CDK19: variants seen among roughly 807,000 people sequenced by gnomAD.
The protein encoded by CDK19 is cyclin-dependent kinase 19.
CDK19 carries 20 observed loss-of-function variants against 68.3 expected under a neutral mutation model. The observed-to-expected ratio is 0.29, with a 90% CI of 0.21 to 0.43. The LOEUF (loss-of-function observed/expected upper bound fraction) is 0.43. Ranked by LOEUF, CDK19 falls within the 20% of genes least tolerant of loss-of-function variation. The probability of loss-of-function intolerance (pLI) is 1.00; values close to 1 mark genes in which losing one functional copy is unlikely to be tolerated. For synonymous variants in CDK19, 221 were observed against 222.8 expected (o/e 0.99, Z 0.07); for missense variants, 339 against 623.5 (o/e 0.54, Z 4.86).
chr6:110,714,398 C>T (rs1775203859), intron 2 of CDK19, among the ~76,000 whole-genome samples: 1 of 152,116 alleles, frequency 6.6e-6, no homozygotes, highest in African/African-American at 2.4e-5. Context: ...TTTGTTTCAA[C>T]ATCTGTTTTC....
chr6:110,623,896 T>TATATATATAC (rs1562130223), intron 8 of CDK19, among the ~76,000 whole-genome samples: 9 of 103,272 alleles, frequency 8.7e-5, no homozygotes, highest in East Asian at 1.3e-3. Flanking sequence ...TATATGTGTG[T>TATATATATAC]GTATATATAT....
rs546291479 is a variant in CDK19, at chr6:110,799,744, T to C, written c.128+15265A>G. Among the ~76,000 whole-genome samples, 3 of 152,240 alleles carry C rather than the reference T, an allele frequency of 2.0e-5. No homozygotes were observed. In the East Asian group the frequency reaches 5.8e-4, roughly 29 times the overall value. Reference sequence around the variant, plus strand: ...CCCAAGTTAGCTAGGACCACAGGCATGCACCACTATACCCAGCTAGTTTTT... The same window carrying C: ...CCCAAGTTAGCTAGGACCACAGGCACGCACCACTATACCCAGCTAGTTTTT... On this transcript the variant is annotated intron_variant, in intron 1 of 12. Transcript: ENST00000368911.
chr6:110,805,405 A>T lies in CDK19; in HGVS notation c.128+9604T>A, dbSNP rs143314810. Among the ~76,000 whole-genome samples, 761 of 152,296 alleles carry T rather than the reference A, an allele frequency of 5.0e-3. 7 individuals carry two copies. The highest frequency in any genetic ancestry group is 0.017 in the African/African-American group (715 of 41,558). ...TACTCTAATAGTTTACCACCAAGAA[A>T]ATTACAAATTGTAATATATTGCTTT... is the stretch of plus-strand genomic sequence containing the variant. On this transcript the variant is annotated intron_variant, in intron 1 of 12. Coordinates refer to ENST00000368911, the MANE Select transcript of CDK19 (RefSeq NM_015076.5).
At chr6:110,657,248 G>A (rs1343167164) in intron 4 of CDK19, among the ~76,000 whole-genome samples, 1 of 152,144 alleles carries the variant, frequency 6.6e-6, no homozygotes, top group East Asian at 1.9e-4. Context: ...AGCACCCTGG[G>A]AAAATGAACA....
At chr6:110,660,114 G>A (rs12192138) in intron 4 of CDK19, among the ~76,000 whole-genome samples, 7,531 of 152,244 alleles carry the variant, frequency 0.049, 202 homozygotes, top group Middle Eastern at 0.085. Context: ...CTGCAGGCAT[G>A]TGCCATCACA....
chr6:110,680,638 C>A (rs1771930427), intron 2 of CDK19, among the ~76,000 whole-genome samples: 1 of 152,100 alleles, frequency 6.6e-6, no homozygotes, highest in Admixed American at 6.5e-5. Context: ...ATATTGTAGC[C>A]TCAAATATAT....
At chr6:110,646,256 A>G (rs1780566208) in intron 4 of CDK19, 12 of 1,500,108 alleles carry the variant, frequency 8.0e-6, no homozygotes, top group Admixed American at 2.1e-5. Context: ...CGTTCCACAC[A>G]CATAGTTGCG....
chr6:110,815,050 G>A lies in CDK19; in HGVS notation c.87C>T (p.Arg29=), dbSNP rs1165153253. The change falls in exon 1 of 13, where the codon CGC becomes CGT. Residue 29 remains arginine (R), a synonymous_variant. Coordinates refer to ENST00000368911, the MANE Select transcript of CDK19 (RefSeq NM_015076.5). Reference sequence around the variant, plus strand: ...CCTTGTAGACGTGACCGTAGGTGCCGCGTCCCACTTTGCACCCTTCGTACT... The same window carrying A: ...CCTTGTAGACGTGACCGTAGGTGCCACGTCCCACTTTGCACCCTTCGTACT... The part of the protein sequence containing the change: ...LFEYEGCKVG[R]GTYGHVYKAR... 6.2e-7 allele frequency: 1 copy of A among 1,605,846 alleles called. No homozygotes were observed. The highest frequency in any genetic ancestry group is 1.1e-5 in the South Asian group (1 of 90,210).
chr6:110,689,727 T>C (rs995329792), intron 2 of CDK19, among the ~76,000 whole-genome samples: 8 of 152,180 alleles, frequency 5.3e-5, no homozygotes, highest in African/African-American at 1.7e-4. Context: ...CTCATCAGAC[T>C]TGGTGCTGGT....
chr6:110,682,428 A>G (rs1772097146), intron 2 of CDK19, among the ~76,000 whole-genome samples: 7 of 152,218 alleles, frequency 4.6e-5, no homozygotes, highest in Admixed American at 4.6e-4. Flanking sequence ...CTGTAAATTA[A>G]GAATTAGTAT....
chr6:110,792,901 T>C (rs1781698092), intron 1 of CDK19, among the ~76,000 whole-genome samples: 1 of 152,180 alleles, frequency 6.6e-6, no homozygotes, highest in African/African-American at 2.4e-5. Flanking sequence ...GCTGGAGACT[T>C]TTATACATTT....
At chr6:110,778,577 G>A (rs753561205) in intron 1 of CDK19, among the ~76,000 whole-genome samples, 6 of 152,116 alleles carry the variant, frequency 3.9e-5, no homozygotes, top group Non-Finnish European at 4.4e-5. Context: ...GCAATCACAC[G>A]TATTACTACT....
intron 1 of CDK19, among the ~76,000 whole-genome samples, chr6:110,767,548 G>A (rs987240808): frequency 1.3e-4 from 20 of 148,544 alleles, no homozygotes; most frequent in African/African-American, 4.9e-4. Context: ...TAGAGATAGG[G>A]CTTCACCATG....
At chr6:110,646,286 G>C (rs1780568927) in intron 4 of CDK19, 2 of 1,507,916 alleles carry the variant, frequency 1.3e-6, no homozygotes, top group East Asian at 4.9e-5. Flanking sequence ...CCGCCAACAT[G>C]TGCAAGCACA....
At chr6:110,813,768 A>C (rs770800190) in intron 1 of CDK19, 20 of 152,258 alleles carry the variant, frequency 1.3e-4, no homozygotes, top group Non-Finnish European at 2.2e-4. Flanking sequence ...TTAGTCCTAG[A>C]GTTCATATAC....
At chr6:110,687,895 C>T (rs1248450749) in intron 2 of CDK19, among the ~76,000 whole-genome samples, 2 of 152,104 alleles carry the variant, frequency 1.3e-5, no homozygotes, top group African/African-American at 4.8e-5. Context: ...GTAAGCTTTC[C>T]TTGAATTTCT....
intron 4 of CDK19, 97 bp from the exon 5 acceptor site, chr6:110,638,803 T>C: frequency 1.4e-6 from 1 of 728,084 alleles, no homozygotes; most frequent in South Asian, 1.7e-5. Flanking sequence ...ATCATTTCTG[T>C]ATTTTCATCA....
chr6:110,654,830 A>G (rs1781201405), intron 4 of CDK19, among the ~76,000 whole-genome samples: 1 of 152,020 alleles, frequency 6.6e-6, no homozygotes, highest in South Asian at 2.1e-4. Context: ...AATCCCAGCT[A>G]CTCGGGAGGC....
intron 2 of CDK19, among the ~76,000 whole-genome samples, chr6:110,712,062 A>G (rs761600651): frequency 6.6e-5 from 10 of 152,222 alleles, no homozygotes; most frequent in Non-Finnish European, 1.3e-4. Flanking sequence ...CAGTGACACA[A>G]ATTTACAATG....
Sources: allele counts gnomAD v4.1 joint callset (sites outside exome capture counted in the v4.1 genomes callset), GRCh38; gene constraint gnomAD v4.1.1; transcripts MANE v1.5; gene names NCBI Gene and HGNC (gene_info 2026-07-23, HGNC 2026-07-21).